Variants in ADGRB1 observed in about 807,000 individuals in gnomAD.
ADGRB1 encodes the protein brain-specific angiogenesis inhibitor 1.
Under a neutral mutation model 175.7 loss-of-function variants are expected in ADGRB1, and 36 were observed. That is an observed-to-expected ratio of 0.20 (90% confidence interval 0.16 to 0.27). The LOEUF (loss-of-function observed/expected upper bound fraction) is 0.27. Among genes scored for constraint, ADGRB1 ranks in the 10% least tolerant of loss-of-function variants. The pLI is 1.00. For missense variants in ADGRB1, 1,731 were observed against 2,255.3 expected (o/e 0.77, Z 4.71); for synonymous variants, 1,054 against 979.4 (o/e 1.08, Z -1.42).
intron 2 of ADGRB1, among the ~76,000 whole-genome samples, chr8:142,467,019 T>C (rs1323141231): frequency 6.6e-6 from 1 of 152,192 alleles, no homozygotes; most frequent in Non-Finnish European, 1.5e-5. Flanking sequence ...CCATTCCTAA[T>C]AGTGCTCGGA....
At chr8:142,481,136 G>A in intron 9 of ADGRB1, 118 bp from the exon 10 acceptor site, 6 of 880,826 alleles carry the variant, frequency 6.8e-6, no homozygotes, top group African/African-American at 1.6e-5. Flanking sequence ...GGCCATGGGC[G>A]AGTCCCTGTT....
chr8:142,538,756 T>A (rs1402311337), intron 26 of ADGRB1, among the ~76,000 whole-genome samples: 1 of 152,172 alleles, frequency 6.6e-6, no homozygotes, highest in East Asian at 1.9e-4. Context: ...GTGCCGGCCT[T>A]GGCCCTGAAT....
At chr8:142,453,594 G>A (rs1440350372) in intron 1 of ADGRB1, among the ~76,000 whole-genome samples, 1 of 152,172 alleles carries the variant, frequency 6.6e-6, no homozygotes, top group Non-Finnish European at 1.5e-5. Context: ...GTAGACAGCC[G>A]GCGTGCACAC....
chr8:142,543,227 C>T lies in ADGRB1; in HGVS notation c.4414-176C>T, dbSNP rs755115409. The stretch of plus-strand genomic sequence containing the variant: ...CTTGGTGCTGCTCGCTGGCACCCAG[C>T]GCATAGCTGGAGGAGCTGCCTCAGT... On this transcript the variant is annotated intron_variant, in intron 28 of 30. Transcript: ENST00000517894. The surrounding 1 kb of genome is among the most constrained non-coding windows in gnomAD (Gnocchi z 4.4). Among the ~76,000 whole-genome samples the T allele has an allele frequency of 2.0e-5, 3 of 152,196 alleles. No homozygotes were observed. The South Asian group carries it at 6.2e-4, about 32-fold the overall frequency.
intron 25 of ADGRB1, among the ~76,000 whole-genome samples, chr8:142,536,432 G>T (rs1006955090): frequency 6.6e-6 from 1 of 152,182 alleles, no homozygotes; most frequent in African/African-American, 2.4e-5. Flanking sequence ...TACAGAGTCT[G>T]CTGCCGTCCT....
intron 2 of ADGRB1, among the ~76,000 whole-genome samples, chr8:142,473,037 C>T (rs1322345082): frequency 1.3e-5 from 2 of 152,130 alleles, no homozygotes; most frequent in Non-Finnish European, 2.9e-5. Flanking sequence ...ACCACATCCT[C>T]ACCACCTGGG....
intron 2 of ADGRB1, among the ~76,000 whole-genome samples, chr8:142,465,422 G>T (rs890356119): frequency 6.6e-6 from 1 of 152,198 alleles, no homozygotes; most frequent in African/African-American, 2.4e-5. Flanking sequence ...GGGGACTGCA[G>T]GAGCCTCTGG....
chr8:142,487,763 TCCACCCTGAGCTCAGG>T (rs1388291751), intron 13 of ADGRB1, among the ~76,000 whole-genome samples: 4 of 152,164 alleles, frequency 2.6e-5, no homozygotes, highest in Non-Finnish European at 5.9e-5. Context: ...CCCATGCCCA[TCCACCCTGAGCTCAGG>T]GCCCTTCCGC....
rs1357837111 is a variant in ADGRB1 at position 142,449,893 on chromosome 8, G to A, written c.-431G>A. On this transcript the variant is annotated 5_prime_UTR_variant, in exon 1 of 31. Coordinates refer to ENST00000517894, the MANE Select transcript of ADGRB1 (RefSeq NM_001702.3). The stretch of plus-strand genomic sequence containing the variant: ...GCCCGGGGGGCTCCAGCAGGCGCGG[G>A]GGAACGGGAGGGGGCCTGCGTGCGC... The A allele has an allele frequency of 6.8e-6, 1 of 148,046 alleles. No individual in the cohort carries two copies. The highest frequency in any genetic ancestry group is 1.5e-5 in the Non-Finnish European group (1 of 66,434). The allele number at this position is 148,046 out of a possible 1,614,324, so 9.2% of individuals were successfully genotyped here.
chr8:142,518,091 G>A (rs2132094921), intron 18 of ADGRB1, 47 bp from the exon 19 acceptor site: 1 of 1,584,250 alleles, frequency 6.3e-7, no homozygotes, highest in Non-Finnish European at 8.7e-7. Context: ...TGCCGAGTGG[G>A]CGAGTGGGGT....
chr8:142,473,923 A>G (rs756078800), intron 2 of ADGRB1, among the ~76,000 whole-genome samples: 1 of 152,156 alleles, frequency 6.6e-6, no homozygotes, highest in Non-Finnish European at 1.5e-5. Context: ...CTGGCTGGAC[A>G]CTGAGTTTGC....
At position 142,484,751 on chromosome 8, in the gene ADGRB1, G is replaced by T; in HGVS notation, c.2295G>T (p.Val765=). The change falls in exon 13 of 31, where the codon GTG becomes GTT. Residue 765 remains valine (V), a synonymous_variant. Coordinates refer to ENST00000517894, the MANE Select transcript of ADGRB1 (RefSeq NM_001702.3). The part of the protein sequence containing the change: ...RMKDLRDAYQ[V]TDNLVLSIHK... ...AGGACCTGAGGGATGCATACCAGGT[G>T]ACAGACAACCTGGGTAAGCCTGCCC... 1 of 1,606,532 alleles carries T rather than the reference G, an allele frequency of 6.2e-7. No homozygotes were observed. Among genetic ancestry groups the T allele is most frequent in the East Asian group, 2.2e-5 (1 of 44,644 alleles).
At position 142,544,591 on chromosome 8, in the gene ADGRB1, A is replaced by G. The variant is rs1845479489; in HGVS notation, c.*174A>G. On this transcript the variant is annotated 3_prime_UTR_variant, in exon 31 of 31. Transcript: ENST00000517894. Reference sequence around the variant, plus strand: ...CCCGCAGTGCTGGGACCAGAGCCAGATGCAGGACAGGAGGCGGCCCGGCCA... The same window carrying G: ...CCCGCAGTGCTGGGACCAGAGCCAGGTGCAGGACAGGAGGCGGCCCGGCCA... The G allele has an allele frequency of 9.3e-6, 7 of 751,816 alleles. No individual in the cohort carries two copies. The South Asian group carries it at 1.8e-4, about 19-fold the overall frequency. The allele number at this position is 751,816 out of a possible 1,614,324, so 46.6% of individuals were successfully genotyped here.
Position 142,489,043 on chromosome 8 carries a change from G to A in ADGRB1, c.2461G>A (p.Glu821Lys). 1.9e-6 allele frequency: 3 copies of A among 1,611,958 alleles called. No individual in the cohort carries two copies. Among genetic ancestry groups the A allele is most frequent in the East Asian group, 2.2e-5 (1 of 44,834 alleles). ...AGTGCACTTTCTTCCAGAGGCCGAT[G>A]AAGCATCCGTGTTTGTGGTGGGCAC... Reference protein sequence around the residue: ...VFSTGLTEADEASVFVVGTVL... With the variant: ...VFSTGLTEADKASVFVVGTVL... The change falls in exon 15 of 31, where the codon GAA becomes AAA. Residue 821 changes from glutamate (E) to lysine (K), a missense_variant. Physicochemically the swap from Glu to Lys is moderately conservative, Grantham distance 56 (BLOSUM62 1). Transcript: ENST00000517894.
intron 16 of ADGRB1, 141 bp downstream of exon 16, chr8:142,489,579 A>C: frequency 1.1e-6 from 1 of 951,896 alleles, no homozygotes; most frequent in Non-Finnish European, 1.6e-6. Flanking sequence ...CCTGGATTAC[A>C]GGTGGGGAAA....
intron 1 of ADGRB1, among the ~76,000 whole-genome samples, chr8:142,452,984 G>T (rs1210757183): frequency 6.8e-6 from 1 of 148,012 alleles, no homozygotes; most frequent in Admixed American, 6.7e-5. Context: ...CTGGCCCGCG[G>T]CTCCGGCCCC....
At chr8:142,454,744 A>C (rs530536163) in intron 1 of ADGRB1, among the ~76,000 whole-genome samples, 3 of 152,062 alleles carry the variant, frequency 2.0e-5, no homozygotes, top group African/African-American at 4.8e-5. Context: ...GCCACTGAGG[A>C]GGCGGCTCCG....
At position 142,544,420 on chromosome 8, in the gene ADGRB1, G is replaced by C. The variant is rs1156319914; in HGVS notation, c.*3G>C. 8 of 1,473,080 alleles carry C rather than the reference G, an allele frequency of 5.4e-6. No homozygotes were observed. Among genetic ancestry groups the C allele is most frequent in the Non-Finnish European group, 6.3e-6 (7 of 1,110,374 alleles). The allele number at this position is 1,473,080 out of a possible 1,614,324, so 91.3% of individuals were successfully genotyped here. On this transcript the variant is annotated 3_prime_UTR_variant, in exon 31 of 31. Coordinates refer to ENST00000517894, the MANE Select transcript of ADGRB1 (RefSeq NM_001702.3). ...TCGACCTCCAGACCGAGGTCTGAGC[G>C]GGTGGGCGGCGGCCACGCACTGGGC...
chr8:142,534,708 C>G (rs897896429), intron 25 of ADGRB1, among the ~76,000 whole-genome samples: 1 of 152,162 alleles, frequency 6.6e-6, no homozygotes, highest in Middle Eastern at 3.2e-3. Context: ...AGTTGCAACC[C>G]AACCAGACAA....
Sources: gnomAD v4.1 joint callset for allele counts (sites outside exome capture counted in the v4.1 genomes callset) on GRCh38, gnomAD v4.1.1 for gene constraint, Gnocchi (gnomAD v3.1) non-coding constraint, MANE v1.5 for transcripts, NCBI Gene and HGNC (gene_info 2026-07-23, HGNC 2026-07-21) for gene names.